The following CASZ1 variants were observed in gnomAD, a reference collection of about 807,000 sequenced individuals.
The protein encoded by CASZ1 is castor zinc finger 1, also known as zinc finger protein castor homolog 1.
Under a neutral mutation model 135.2 loss-of-function variants are expected in CASZ1, and 28 were observed. The observed-to-expected ratio is 0.21, with a 90% CI of 0.15 to 0.28. The LOEUF (loss-of-function observed/expected upper bound fraction) is 0.28. Among genes scored for constraint, CASZ1 ranks in the 10% least tolerant of loss-of-function variants. The pLI is 1.00. For synonymous variants in CASZ1, 1,068 were observed against 1,073.4 expected (o/e 0.99, Z 0.10); for missense variants, 2,161 against 2,453.3 (o/e 0.88, Z 2.52).
At chr1:10,689,597 G>A (rs757604420) in intron 4 of CASZ1, among the ~76,000 whole-genome samples, 3 of 152,198 alleles carry the variant, frequency 2.0e-5, no homozygotes, top group Non-Finnish European at 2.9e-5. Context: ...TCTGCCTCTT[G>A]TTGGGGAGGA....
At chr1:10,686,112 C>G (rs1051969674) in intron 4 of CASZ1, among the ~76,000 whole-genome samples, 1 of 152,072 alleles carries the variant, frequency 6.6e-6, no homozygotes, top group African/African-American at 2.4e-5. Flanking sequence ...CCAGGAAGGG[C>G]CCCCCACCCA....
intron 1 of CASZ1, among the ~76,000 whole-genome samples, chr1:10,761,244 A>G (rs1282779641): frequency 1.3e-5 from 2 of 152,226 alleles, no homozygotes; most frequent in South Asian, 4.1e-4. Flanking sequence ...AATACTGGAA[A>G]CAGATCAAAC....
At chr1:10,712,068 G>A (rs1570511921) in intron 2 of CASZ1, among the ~76,000 whole-genome samples, 1 of 152,318 alleles carries the variant, frequency 6.6e-6, no homozygotes, top group Middle Eastern at 3.4e-3. Flanking sequence ...ATTACAGGCC[G>A]GGCGTGGTGG....
chr1:10,708,498 G>A (rs746299346), intron 2 of CASZ1, among the ~76,000 whole-genome samples: 5 of 152,354 alleles, frequency 3.3e-5, no homozygotes, highest in Admixed American at 6.5e-5. Context: ...GTTGGCAAAC[G>A]TGAGCCCTTA....
rs570183130 is a variant in CASZ1, at chr1:10,701,205, C to T, written c.-24+4287G>A. ...GGGCAGCTGCTCCCTGGCAGGGAAG[C>T]GGGTACGTGGCCCTCCTCCTGCCTC... On this transcript the variant is annotated intron_variant, in intron 3 of 20. Transcript: ENST00000377022. This position sits in a 1 kb window ranked among gnomAD's most constrained non-coding sequence, Gnocchi z 6.3. 7.9e-5 allele frequency among the ~76,000 whole-genome samples: 12 copies of T among 152,322 alleles called. No individual in the cohort carries two copies. The highest frequency in any genetic ancestry group is 1.9e-4 in the East Asian group (1 of 5,178).
chr1:10,780,472 G>T (rs188248421), intron 1 of CASZ1, among the ~76,000 whole-genome samples: 1 of 152,024 alleles, frequency 6.6e-6, no homozygotes. Flanking sequence ...ATCCCTCCCC[G>T]GTGGCCCCAG....
intron 3 of CASZ1, among the ~76,000 whole-genome samples, chr1:10,703,385 T>C (rs906791316): frequency 2.0e-5 from 3 of 151,988 alleles, no homozygotes; most frequent in Non-Finnish European, 2.9e-5. Flanking sequence ...CCACCACCTA[T>C]AGGCCCAGTC....
chr1:10,775,279 T>G (rs1267568221), intron 1 of CASZ1, among the ~76,000 whole-genome samples: 1 of 152,104 alleles, frequency 6.6e-6, no homozygotes, highest in Non-Finnish European at 1.5e-5. Context: ...AAACTCAAAA[T>G]GAAACTCTCC....
chr1:10,705,313 G>C (rs1443037878), intron 3 of CASZ1, among the ~76,000 whole-genome samples, 179 bp downstream of exon 3: 1 of 152,214 alleles, frequency 6.6e-6, no homozygotes, highest in African/African-American at 2.4e-5. Flanking sequence ...ACTGGCGGGA[G>C]GGCATCTTTT....
At chr1:10,723,257 CT>C (rs757082002) in intron 2 of CASZ1, among the ~76,000 whole-genome samples, 5 of 152,182 alleles carry the variant, frequency 3.3e-5, no homozygotes, top group Admixed American at 6.5e-5. Context: ...CCACCTCCCC[CT>C]GGCCTGTCCA....
intron 2 of CASZ1, among the ~76,000 whole-genome samples, chr1:10,708,637 C>T (rs1639222480): frequency 6.6e-6 from 1 of 152,180 alleles, no homozygotes; most frequent in African/African-American, 2.4e-5. Flanking sequence ...TCATCCAGCC[C>T]TTCTCCTGGC....
rs551479823 is a variant in CASZ1 at position 10,790,976 on chromosome 1, A to T, written c.-234+5588T>A. 7.6e-3 allele frequency among the ~76,000 whole-genome samples: 1,152 copies of T among 150,812 alleles called. 14 individuals carry two copies. The highest frequency in any genetic ancestry group is 0.025 in the African/African-American group (1,033 of 40,900). On this transcript the variant is annotated intron_variant, in intron 1 of 20. Transcript: ENST00000377022. The stretch of plus-strand genomic sequence containing the variant: ...GATCATAAAAGGTGATTTTTTTTTT[A>T]AAAAAGAAAAAATTTGCTTCTACCT...
At chr1:10,686,463 C>T (rs906362852) in intron 4 of CASZ1, among the ~76,000 whole-genome samples, 3 of 152,190 alleles carry the variant, frequency 2.0e-5, no homozygotes, top group African/African-American at 7.2e-5. Flanking sequence ...TTACCTGGGA[C>T]AGCCTGTTGC....
intron 1 of CASZ1, among the ~76,000 whole-genome samples, chr1:10,790,205 G>A (rs1640931809): frequency 6.6e-6 from 1 of 152,338 alleles, no homozygotes; most frequent in East Asian, 1.9e-4. Flanking sequence ...CCAGTAGAAA[G>A]TGGACAGAGA....
intron 4 of CASZ1, among the ~76,000 whole-genome samples, chr1:10,669,344 C>G (rs1185302175): frequency 6.6e-6 from 1 of 152,252 alleles, no homozygotes; most frequent in Non-Finnish European, 1.5e-5. Context: ...CCCCTCCTCA[C>G]CCTCGCTTCC....
intron 2 of CASZ1, among the ~76,000 whole-genome samples, chr1:10,737,233 G>A (rs1639817015): frequency 6.6e-6 from 1 of 152,194 alleles, no homozygotes; most frequent in Non-Finnish European, 1.5e-5. Context: ...TGGGCACCTT[G>A]TCCTGCTCAA....
rs1212474714 is a variant in CASZ1 at position 10,654,343 on chromosome 1, G to A, written c.1838+76C>T. On this transcript the variant is annotated intron_variant, in intron 10 of 20. Transcript: ENST00000377022. ...GCTGGACACCGAGGCAGGGGCCTGA[G>A]CCGTCCCACGAGCCTGGGTCCTTGC... The A allele has an allele frequency of 3.5e-5, 56 of 1,582,828 alleles. No individual in the cohort carries two copies. In the East Asian group the frequency reaches 7.2e-4, roughly 20 times the overall value.
intron 2 of CASZ1, among the ~76,000 whole-genome samples, chr1:10,722,625 G>C (rs558491611): frequency 2.6e-5 from 4 of 152,358 alleles, no homozygotes; most frequent in South Asian, 4.1e-4. Flanking sequence ...CCACTCACAG[G>C]GGGGCAGCTA....
chr1:10,792,095 A>C (rs532186169), intron 1 of CASZ1, among the ~76,000 whole-genome samples: 1 of 151,514 alleles, frequency 6.6e-6, no homozygotes, highest in South Asian at 2.1e-4. Context: ...GAGCAGCAAC[A>C]ACCACTCTAC....
Sources: allele counts gnomAD v4.1 joint callset (sites outside exome capture counted in the v4.1 genomes callset), GRCh38; gene constraint gnomAD v4.1.1; non-coding constraint Gnocchi (gnomAD v3.1); transcripts MANE v1.5; gene names NCBI Gene and HGNC (gene_info 2026-07-23, HGNC 2026-07-21).